PLEC: variants seen among roughly 807,000 people sequenced by gnomAD.
The protein encoded by PLEC is plectin.
A neutral mutation model predicts 392.8 loss-of-function variants in PLEC; 216 were observed. The observed-to-expected ratio is 0.55, with a 90% CI of 0.49 to 0.62. PLEC has a LOEUF of 0.62. Among genes scored for constraint, PLEC ranks in the 20% least tolerant of loss-of-function variants. The pLI is 0.00. For synonymous variants in PLEC, 3,621 were observed against 2,980.6 expected (o/e 1.21, Z -7.00); for missense variants, 6,863 against 6,563.4 (o/e 1.05, Z -1.58).
chr8:143,932,199 C>T lies in PLEC; in HGVS notation c.2013G>A (p.Lys671=), dbSNP rs782181782. The change falls in exon 17 of 32, where the codon AAG becomes AAA. Residue 671 remains lysine, a synonymous_variant. Transcript: ENST00000345136. The part of the protein sequence containing the change: ...LMRELELKEK[K]IKELQNAGDR... ...CCCCAGCATTTTGGAGCTCCTTGAT[C>T]TTCTTCTCCTTCAGCTCCAGCTCCC... 2 of 1,612,298 alleles carry T rather than the reference C, an allele frequency of 1.2e-6. No individual in the cohort carries two copies. Among genetic ancestry groups the T allele is most frequent in the Admixed American group, 3.3e-5 (2 of 60,012 alleles).
intron 19 of PLEC, 28 bp downstream of exon 19, chr8:143,931,506 A>G: frequency 1.0e-5 from 16 of 1,559,140 alleles, no homozygotes; most frequent in Non-Finnish European, 1.3e-5. Flanking sequence ...GCCCCTCCTG[A>G]CACGCCCCTG....
chr8:143,951,769 G>C (rs1832170337), upstream of PLEC, among the ~76,000 whole-genome samples: 1 of 152,174 alleles, frequency 6.6e-6, no homozygotes, highest in Non-Finnish European at 1.5e-5. Flanking sequence ...CAGGGTGGAA[G>C]AATGCCAGGC....
rs782122708 is a variant in PLEC at position 143,916,666 on chromosome 8, C to T, written c.13155G>A (p.Gln4385=). The T allele has an allele frequency of 1.9e-6, 3 of 1,611,306 alleles. No individual in the cohort carries two copies. The African/African-American group carries it at 4.0e-5, about 22-fold the overall frequency. ...TCAGGTACTGCACCTCCAGGAAGCG[C>T]TGGCCGGCCTCGTAGTAGAGCCAGC... ...KKGWLYYEAG[Q]RFLEVQYLTG... is the part of the protein sequence containing the mutation. The change falls in exon 32 of 32, where the codon CAG becomes CAA. Residue 4385 remains glutamine, a synonymous_variant. Transcript: ENST00000345136.
chr8:143,969,235 A>G lies in PLEC; in HGVS notation c.70+4168T>C, dbSNP rs1833287311. Among the ~76,000 whole-genome samples the G allele has an allele frequency of 6.6e-6, 1 of 152,220 alleles. No homozygotes were observed. Among genetic ancestry groups the G allele is most frequent in the South Asian group, 2.1e-4 (1 of 4,838 alleles). On this transcript the variant is annotated intron_variant, in intron 1 of 31. Transcript: ENST00000356346. The surrounding 1 kb of genome is among the most constrained non-coding windows in gnomAD (Gnocchi z 5.1). ...GAGCAGCCCTGACAGCGTCCCGGCA[A>G]GTCGAAGAGGCCAGACCCAGGGCCA...
upstream of PLEC, among the ~76,000 whole-genome samples, chr8:143,973,857 C>G (rs948560117): frequency 1.3e-5 from 2 of 152,030 alleles, no homozygotes; most frequent in Non-Finnish European, 2.9e-5. This position sits in a 1 kb window ranked among gnomAD's most constrained non-coding sequence, Gnocchi z 5.6. Context: ...GCCCGCCCCC[C>G]ACCTTGCTTC....
chr8:143,974,775 C>T (rs1381403447), upstream of PLEC, among the ~76,000 whole-genome samples: 1 of 152,228 alleles, frequency 6.6e-6, no homozygotes, highest in East Asian at 1.9e-4. The surrounding 1 kb of genome is among the most constrained non-coding windows in gnomAD (Gnocchi z 5.9). Flanking sequence ...AAGGCCAGAT[C>T]CTGGCTCAGG....
In PLEC at chr8:143,923,383, C is replaced by T. The variant is rs372009035; in HGVS notation, c.6546G>A (p.Ala2182=). 31 of 1,610,390 alleles carry T rather than the reference C, an allele frequency of 1.9e-5. No individual in the cohort carries two copies. The highest frequency in any genetic ancestry group is 1.3e-4 in the Admixed American group (8 of 59,880). The part of the protein sequence containing the change: ...KFAEQTLRQK[A]QVEQELTTLR... ...GTGTTGTCAGCTCCTGCTCCACCTG[C>T]GCCTTCTGCCGCAGCGTCTGCTCGG... Residue 2182 remains alanine (A), a synonymous_variant, in exon 31 of 32, where the codon GCG becomes GCA. Coordinates refer to ENST00000345136, the MANE Select transcript of PLEC (RefSeq NM_201384.3).
At position 143,933,367 on chromosome 8, in the gene PLEC, CATGA is replaced by C; in HGVS notation, c.1264-20_1264-17del. 6.2e-7 allele frequency: 1 copy of C among 1,607,092 alleles called. No homozygotes were observed. The highest frequency in any genetic ancestry group is 1.1e-5 in the South Asian group (1 of 91,082). On this transcript the variant is annotated splice_polypyrimidine_tract_variant and intron_variant, in intron 12 of 31. Coordinates refer to ENST00000345136, the MANE Select transcript of PLEC (RefSeq NM_201384.3). The stretch of plus-strand genomic sequence containing the variant: ...GCCGGACATCCTGCAAGGTCGTTGC[CATGA>C]CTCGGAGCACAGCTGATCCCCCTCT...
chr8:143,919,234 C>G lies in PLEC; in HGVS notation c.10587G>C (p.Arg3529=), dbSNP rs150743194. The change falls in exon 32 of 32, where the codon CGG becomes CGC. Residue 3529 remains arginine, a synonymous_variant. Transcript: ENST00000345136. ...ENLTYRQLLE[R]CVEDPETGLR... Reference sequence around the variant, plus strand: ...AGCCCGTCTCGGGGTCCTCCACGCACCGCTCCAGCAGCTGCCTGTACGTGA... The same window carrying G: ...AGCCCGTCTCGGGGTCCTCCACGCAGCGCTCCAGCAGCTGCCTGTACGTGA... 24 of 1,613,916 alleles carry G rather than the reference C, an allele frequency of 1.5e-5. No homozygotes were observed. The African/African-American group carries it at 2.7e-4, about 18-fold the overall frequency.
At chr8:143,942,196 G>A (rs1036288167), upstream of PLEC, among the ~76,000 whole-genome samples, 27 of 150,988 alleles carry the variant, frequency 1.8e-4, no homozygotes, top group Non-Finnish European at 3.2e-4. Context: ...CTTCTCTAGA[G>A]ACAAACAAAT....
chr8:143,939,258 C>T (rs939521644), intron 1 of PLEC, 92 bp downstream of exon 1: 30 of 1,499,304 alleles, frequency 2.0e-5, no homozygotes, highest in African/African-American at 2.8e-5. Context: ...AGCCCCCCAG[C>T]GGTGCCAAGG....
chr8:143,923,870 T>C lies in PLEC; in HGVS notation c.6059A>G (p.Glu2020Gly), dbSNP rs367662560. 4 of 1,594,256 alleles carry C rather than the reference T, an allele frequency of 2.5e-6. No homozygotes were observed. Among genetic ancestry groups the C allele is most frequent in the Non-Finnish European group, 1.7e-6 (2 of 1,177,804 alleles). ...EVERLKAKVEEARRLRERAEQ... is the reference protein window; with the variant it reads ...EVERLKAKVEGARRLRERAEQ... ...CGCTCGCTCCCGCAGGCGCCGCGCC[T>C]CCTCCACCTTGGCTTTCAGCCGCTC... The change falls in exon 31 of 32, where the codon GAG becomes GGG. Residue 2020 changes from glutamate to glycine, a missense_variant. Coordinates refer to ENST00000345136, the MANE Select transcript of PLEC (RefSeq NM_201384.3).
In PLEC at chr8:143,925,845, G is replaced by A; in HGVS notation, c.4084C>T (p.Leu1362=). The change falls in exon 31 of 32, where the codon CTG becomes TTG. Residue 1362 remains leucine, a synonymous_variant. Transcript: ENST00000345136. The part of the protein sequence containing the change: ...EQQRAEERER[L]AEVEAALEKQ... ...TCCAGCGCGGCCTCCACCTCGGCCA[G>A]CCGCTCGCGCTCCTCTGCCCGCTGC... is the stretch of plus-strand genomic sequence containing the variant. 3.9e-6 allele frequency: 6 copies of A among 1,550,744 alleles called. No homozygotes were observed. Among genetic ancestry groups the A allele is most frequent in the Non-Finnish European group, 5.2e-6 (6 of 1,155,124 alleles).
At chr8:143,960,485 C>T (rs940980451) in intron 1 of PLEC, among the ~76,000 whole-genome samples, 1 of 150,538 alleles carries the variant, frequency 6.6e-6, no homozygotes, top group South Asian at 2.1e-4. Flanking sequence ...GGTGTGGTGG[C>T]GGGTGCCTGT....
intron 2 of PLEC, 35 bp downstream of exon 2, chr8:143,938,596 A>G (rs1407663728): frequency 5.6e-6 from 9 of 1,606,896 alleles, no homozygotes; most frequent in South Asian, 1.1e-5. Flanking sequence ...CCACAGCCTC[A>G]GCCCCTGTGA....
upstream of PLEC, among the ~76,000 whole-genome samples, chr8:143,955,448 A>C (rs1034632625): frequency 6.6e-6 from 1 of 152,178 alleles, no homozygotes; most frequent in African/African-American, 2.4e-5. Flanking sequence ...GCCACTGCTG[A>C]ATTCCCAGCT....
At position 143,921,216 on chromosome 8, in the gene PLEC, C is replaced by T. The variant is rs200180290; in HGVS notation, c.8605G>A (p.Glu2869Lys). Residue 2869 changes from glutamate to lysine, a missense_variant, in exon 32 of 32, where the codon GAG becomes AAG. Glu to Lys is a moderately conservative substitution (Grantham distance 56). Coordinates refer to ENST00000345136, the MANE Select transcript of PLEC (RefSeq NM_201384.3). ...GTCTCGGGGTCCTCCACGCAGCGCTCCAGTAGCTGCAGGTACGTGAGGTTC... is the reference window on the plus strand; with the variant it reads ...GTCTCGGGGTCCTCCACGCAGCGCTTCAGTAGCTGCAGGTACGTGAGGTTC... ...HENLTYLQLL[E>K]RCVEDPETGL... is the part of the protein sequence containing the mutation. 6.2e-7 allele frequency: 1 copy of T among 1,614,090 alleles called. No homozygotes were observed. The highest frequency in any genetic ancestry group is 2.2e-5 in the East Asian group (1 of 44,882).
exon 1 of PLEC, chr8:143,950,548 C>T (rs782517399): frequency 6.8e-6 from 11 of 1,608,026 alleles, no homozygotes; most frequent in East Asian, 2.2e-5. Flanking sequence ...CCCGCAGGGA[C>T]GCCATGGCAC....
At position 143,939,595 on chromosome 8, in the gene PLEC, C is replaced by A; in HGVS notation, c.-134G>T. 2.0e-6 allele frequency: 3 copies of A among 1,495,706 alleles called. No individual in the cohort carries two copies. The highest frequency in any genetic ancestry group is 2.5e-5 in the South Asian group (2 of 79,422). The allele number at this position is 1,495,706 out of a possible 1,614,324, so 92.7% of individuals were successfully genotyped here. A position where few individuals can be genotyped will look rare whatever the true frequency, so the allele number is the denominator to read the frequency against. On this transcript the variant is annotated 5_prime_UTR_variant, in exon 1 of 32. Transcript: ENST00000345136. ...ACTCGGCACAGGCTCAGCTCAGAGC[C>A]CCAGTCGGTGCGGCCACTCCCTGCC...
Sources: allele counts gnomAD v4.1 joint callset (sites outside exome capture counted in the v4.1 genomes callset), GRCh38; gene constraint gnomAD v4.1.1; non-coding constraint Gnocchi (gnomAD v3.1); transcripts MANE v1.5; gene names NCBI Gene and HGNC (gene_info 2026-07-23, HGNC 2026-07-21).